Variants in KCNH2 observed in about 807,000 individuals in gnomAD.
KCNH2 encodes the protein potassium voltage-gated channel subfamily H member 2, also known as voltage-gated inwardly rectifying potassium channel KCNH2.
In KCNH2, 35 loss-of-function variants were observed where a neutral mutation model predicts 95.9. That is an observed-to-expected ratio of 0.37 (90% CI 0.28 to 0.48). KCNH2 has a LOEUF of 0.48. KCNH2 is among the 20% of genes least tolerant of loss of function. KCNH2 has a pLI of 0.99. For missense variants in KCNH2, 1,274 were observed against 1,702.9 expected, an observed-to-expected ratio of 0.75 and a Z score of 4.43; for synonymous variants, 786 against 754.7, an observed-to-expected ratio of 1.04 and a Z score of -0.68.
chr7:150,948,919 G>A lies in KCNH2; in HGVS notation c.2529C>T (p.Asp843=). ...AGTGGTCGGAGAACTCAGGGTACAT[G>A]TCCAGCACCTCCAGCAGGTCGTCCC... The part of the protein sequence containing the change: ...IHRDDLLEVL[D]MYPEFSDHFW... Residue 843 remains aspartate, a synonymous_variant, in exon 10 of 15, where the codon GAC becomes GAT. Transcript: ENST00000262186. The A allele has an allele frequency of 6.2e-7, 1 of 1,614,202 alleles. No individual in the cohort carries two copies. Among genetic ancestry groups the A allele is most frequent in the Non-Finnish European group, 8.5e-7 (1 of 1,180,034 alleles).
Position 150,962,499 on chromosome 7 carries a change from GC to G in KCNH2, c.308-2764del, listed in dbSNP as rs1346037305. Among the ~76,000 whole-genome samples the G allele has an allele frequency of 6.6e-6, 1 of 152,080 alleles. No individual in the cohort carries two copies. Among genetic ancestry groups the G allele is most frequent in the African/African-American group, 2.4e-5 (1 of 41,420 alleles). On this transcript the variant is annotated intron_variant, in intron 2 of 14. Coordinates refer to ENST00000262186, the MANE Select transcript of KCNH2 (RefSeq NM_000238.4). This position sits in a 1 kb window ranked among gnomAD's most constrained non-coding sequence, Gnocchi z 5.7. ...CTGCTCAGCAAGACAGCCCAGAATGGCATTCTGAAGCCCACCCAGTCCAGGA... is the reference window on the plus strand; with the variant it reads ...CTGCTCAGCAAGACAGCCCAGAATGGATTCTGAAGCCCACCCAGTCCAGGA...
chr7:150,953,968 C>T (rs956201456), intron 5 of KCNH2, among the ~76,000 whole-genome samples: 1 of 152,238 alleles, frequency 6.6e-6, no homozygotes, highest in African/African-American at 2.4e-5. Flanking sequence ...CCTTCATACT[C>T]AAGCTGGGCT....
chr7:150,950,145 A>AGGGGGGGGGGG, intron 9 of KCNH2, 23 bp downstream of exon 9: 71 of 1,424,590 alleles, frequency 5.0e-5, no homozygotes, highest in East Asian at 1.1e-4. Context: ...TTTCCAGTCC[A>AGGGGGGGGGGG]GTGCCCGCCC....
At position 150,961,917 on chromosome 7, in the gene KCNH2, C is replaced by T. The variant is rs1315203709; in HGVS notation, c.308-2181G>A. Among the ~76,000 whole-genome samples the T allele has an allele frequency of 1.3e-5, 2 of 152,212 alleles. No homozygotes were observed. The highest frequency in any genetic ancestry group is 4.8e-5 in the African/African-American group (2 of 41,442). ...GGGGAACGAGGTCTTCTGAAACCAG[C>T]TTAAACAGGATGGCACTAGGTGAAG... On this transcript the variant is annotated intron_variant, in intron 2 of 14. Coordinates refer to ENST00000262186, the MANE Select transcript of KCNH2 (RefSeq NM_000238.4). This position sits in a 1 kb window ranked among gnomAD's most constrained non-coding sequence, Gnocchi z 6.2.
intron 5 of KCNH2, among the ~76,000 whole-genome samples, chr7:150,955,107 A>T (rs1448914609): frequency 6.6e-6 from 1 of 152,154 alleles, no homozygotes; most frequent in African/African-American, 2.4e-5. Context: ...CTCTCTGGGC[A>T]CCCATCTCAT....
Position 150,952,360 on chromosome 7 carries a change from A to C in KCNH2, c.1557+65T>G. ...TCCTCCTCGCCACCCCCTCCACCCC[A>C]CTACCTCCCACCACATTCCTGGCCT... On this transcript the variant is annotated intron_variant, in intron 6 of 14. Transcript: ENST00000262186. This position sits in a 1 kb window ranked among gnomAD's most constrained non-coding sequence, Gnocchi z 7.3. 6.7e-7 allele frequency: 1 copy of C among 1,500,980 alleles called. No homozygotes were observed. The highest frequency in any genetic ancestry group is 9.1e-7 in the Non-Finnish European group (1 of 1,093,650). 93.0% of individuals were successfully genotyped at this position (1,500,980 alleles called of 1,614,324 possible). A position where few individuals can be genotyped will look rare whatever the true frequency, so the allele number is the denominator to read the frequency against.
Position 150,952,905 on chromosome 7 carries a change from G to T in KCNH2, c.1129-52C>A. The T allele has an allele frequency of 1.9e-6, 3 of 1,565,544 alleles. No individual in the cohort carries two copies. The South Asian group carries it at 3.3e-5, about 17-fold the overall frequency. On this transcript the variant is annotated intron_variant, in intron 5 of 14. Transcript: ENST00000262186. The surrounding 1 kb of genome is among the most constrained non-coding windows in gnomAD (Gnocchi z 7.3). Reference sequence around the variant, plus strand: ...GGTGAGGCAGGCCATGGGACCTCGGGGGCAGGAGCGATGACATCTCTGCCG... The same window carrying T: ...GGTGAGGCAGGCCATGGGACCTCGGTGGCAGGAGCGATGACATCTCTGCCG...
intron 5 of KCNH2, among the ~76,000 whole-genome samples, chr7:150,953,086 T>C (rs1313535676): frequency 6.6e-6 from 1 of 152,104 alleles, no homozygotes; most frequent in Non-Finnish European, 1.5e-5. Context: ...GTTCCAACAT[T>C]TCCCGGCAGA....
rs1051237734 is a variant in KCNH2 at position 150,947,112 on chromosome 7, C to A, written c.3153-58G>T. On this transcript the variant is annotated intron_variant, in intron 13 of 14. Transcript: ENST00000262186. ...TGGGGACACCAGTGACAGCCTCCAC[C>A]GGGAGTGGGGAAGGGGAAGGGGAGG... 5.9e-6 allele frequency: 5 copies of A among 843,110 alleles called. No homozygotes were observed. The African/African-American group carries it at 6.7e-5, about 11-fold the overall frequency. The allele number at this position is 843,110 out of a possible 1,614,324, so 52.2% of individuals were successfully genotyped here.
At chr7:150,948,715 T>C in intron 10 of KCNH2, 141 bp downstream of exon 10, 1 of 1,085,592 alleles carries the variant, frequency 9.2e-7, no homozygotes, top group Non-Finnish European at 1.4e-6. Flanking sequence ...AGTTTGGGAC[T>C]TTTGTAGGCT....
Position 150,947,721 on chromosome 7 carries a change from G to A in KCNH2, c.2850C>T (p.Ser950=), listed in dbSNP as rs2116932647. The change falls in exon 12 of 15, where the codon TCC becomes TCT. Residue 950 remains serine (S), a synonymous_variant. Coordinates refer to ENST00000262186, the MANE Select transcript of KCNH2 (RefSeq NM_000238.4). The part of the protein sequence containing the change: ...SSEDEGPGRS[S]SPLRLVPFSS... ...AGAAGGGCACCAGGCGGAGGGGGCT[G>A]GAGCTGCGGCCTGGGCCCTCATCCT... 1 of 1,573,770 alleles carries A rather than the reference G, an allele frequency of 6.4e-7. No individual in the cohort carries two copies. Among genetic ancestry groups the A allele is most frequent in the East Asian group, 2.3e-5 (1 of 42,954 alleles).
At chr7:150,976,108 C>T (rs138718933) in intron 1 of KCNH2, among the ~76,000 whole-genome samples, 2 of 152,222 alleles carry the variant, frequency 1.3e-5, no homozygotes, top group Non-Finnish European at 2.9e-5. Context: ...AGTTTCCGGC[C>T]ACTTTGGCCT....
At chr7:150,973,903 C>G (rs1317823362) in intron 2 of KCNH2, among the ~76,000 whole-genome samples, 5 of 152,230 alleles carry the variant, frequency 3.3e-5, no homozygotes, top group Non-Finnish European at 5.9e-5. Flanking sequence ...GGTTTGCACG[C>G]GTTCCAGAGC....
Position 150,947,565 on chromosome 7 carries a change from C to T in KCNH2, c.2965+41G>A, listed in dbSNP as rs374173949. The stretch of plus-strand genomic sequence containing the variant: ...GAGCGGGGTAGACGCACCACCGCTG[C>T]CACGCCCGGTCCTCCCTCGCCCGCC... On this transcript the variant is annotated intron_variant, in intron 12 of 14. Coordinates refer to ENST00000262186, the MANE Select transcript of KCNH2 (RefSeq NM_000238.4). 33 of 1,606,842 alleles carry T rather than the reference C, an allele frequency of 2.1e-5. No individual in the cohort carries two copies. The African/African-American group carries it at 3.9e-4, about 19-fold the overall frequency.
rs547228640 is a variant in KCNH2, at chr7:150,958,471, G to A, written c.504C>T (p.Pro168=). 4.1e-6 allele frequency: 6 copies of A among 1,467,594 alleles called. No individual in the cohort carries two copies. Among genetic ancestry groups the A allele is most frequent in the Non-Finnish European group, 5.4e-6 (6 of 1,115,876 alleles). The allele number at this position is 1,467,594 out of a possible 1,614,324, so 90.9% of individuals were successfully genotyped here. ...GRAKTFRLKL[P]ALLALTARES... is the part of the protein sequence containing the mutation. ...CCCGGGCCGTCAGCGCCAGCAGCGC[G>A]GGCAGCTTCAGGCGGAAGGTCTTGG... The change falls in exon 4 of 15, where the codon CCC becomes CCT. Residue 168 remains proline (P), a synonymous_variant. Coordinates refer to ENST00000262186, the MANE Select transcript of KCNH2 (RefSeq NM_000238.4).
At chr7:150,955,433 C>T (rs1171149844) in intron 5 of KCNH2, 1 of 1,566,212 alleles carries the variant, frequency 6.4e-7, no homozygotes, top group Non-Finnish European at 8.6e-7. Flanking sequence ...CACGGCCCGC[C>T]TCACCCGGCC....
In KCNH2 at chr7:150,947,841, C is replaced by G. The variant is rs916754925; in HGVS notation, c.2730G>C (p.Pro910=). 4 of 1,526,036 alleles carry G rather than the reference C, an allele frequency of 2.6e-6. No homozygotes were observed. The highest frequency in any genetic ancestry group is 1.2e-5 in the South Asian group (1 of 82,510). The allele number at this position is 1,526,036 out of a possible 1,614,324, so 94.5% of individuals were successfully genotyped here. A position where few individuals can be genotyped will look rare whatever the true frequency, so the allele number is the denominator to read the frequency against. The part of the protein sequence containing the change: ...EQPGEVSALG[P]GRAGAGPSSR... ...TACTCGGCCCTGCCCCCGCCCGGCC[C>G]GGCCCCAAGGCCGACACCTCCCCTG... The change falls in exon 12 of 15, where the codon CCG becomes CCC. Residue 910 remains proline (P), a synonymous_variant. Transcript: ENST00000262186.
intron 2 of KCNH2, among the ~76,000 whole-genome samples, chr7:150,970,327 A>G (rs1417899649): frequency 2.9e-5 from 4 of 139,682 alleles, no homozygotes; most frequent in Non-Finnish European, 6.1e-5. Context: ...GCCCAAGGCC[A>G]CCATCAAACT....
chr7:150,950,795 C>G, intron 8 of KCNH2, 126 bp downstream of exon 8: 1 of 997,996 alleles, frequency 1.0e-6, no homozygotes, highest in Non-Finnish European at 1.5e-6. Flanking sequence ...AAAGGGGCAA[C>G]GTGCCTCCAG....
Sources: gnomAD v4.1 joint callset for allele counts (sites outside exome capture counted in the v4.1 genomes callset) on GRCh38, gnomAD v4.1.1 for gene constraint, Gnocchi (gnomAD v3.1) non-coding constraint, MANE v1.5 for transcripts, NCBI Gene and HGNC (gene_info 2026-07-23, HGNC 2026-07-21) for gene names.